Variants in VWA3B observed in about 807,000 individuals in gnomAD.
The protein encoded by VWA3B is von Willebrand factor A domain containing 3B.
VWA3B carries 138 observed loss-of-function variants against 158.3 expected under a neutral mutation model. That is an observed-to-expected ratio of 0.87 (90% CI 0.76 to 1.00). The LOEUF (loss-of-function observed/expected upper bound fraction) is 1.00, where lower values mean the gene tolerates loss of function less well. Ranked by LOEUF, VWA3B falls within the 50% of genes least tolerant of loss-of-function variation. The pLI, the probability that VWA3B is intolerant of heterozygous loss-of-function variation, is 0.00. For missense variants in VWA3B, 1,555 were observed against 1,565.1 expected, an observed-to-expected ratio of 0.99 and a Z score of 0.11; for synonymous variants, 596 against 587.3, an observed-to-expected ratio of 1.01 and a Z score of -0.21.
At chr2:98,127,592 G>GC (rs1675472525) in intron 5 of VWA3B, among the ~76,000 whole-genome samples, 1 of 81,572 alleles carries the variant, frequency 1.2e-5, no homozygotes, top group East Asian at 4.3e-4. Flanking sequence ...GTGTGTGTGG[G>GC]CGGGGGGGGG....
At chr2:98,297,142 C>T (rs966395673) in intron 23 of VWA3B, among the ~76,000 whole-genome samples, 5 of 151,290 alleles carry the variant, frequency 3.3e-5, no homozygotes, top group East Asian at 1.9e-4. Flanking sequence ...AGTGCAATGA[C>T]GCAATCTCAG....
chr2:98,239,839 G>A (rs995253373), intron 19 of VWA3B, among the ~76,000 whole-genome samples: 7 of 151,376 alleles, frequency 4.6e-5, no homozygotes, highest in African/African-American at 1.5e-4. Context: ...GCTTGAATTC[G>A]GGAGGCAGAG....
At chr2:98,250,565 G>T in intron 20 of VWA3B, 129 bp downstream of exon 20, 1 of 750,406 alleles carries the variant, frequency 1.3e-6, no homozygotes, top group Non-Finnish European at 2.1e-6. Flanking sequence ...GTTCAGGCTG[G>T]GTGTGGTAGT....
In VWA3B at chr2:98,290,590, C is replaced by T; in HGVS notation, c.3125C>T (p.Ala1042Val). The T allele has an allele frequency of 2.5e-6, 4 of 1,594,618 alleles. No homozygotes were observed. In the Admixed American group the frequency reaches 7.2e-5, roughly 29 times the overall value. The change falls in exon 23 of 28, where the codon GCA becomes GTA. Residue 1042 changes from alanine to valine, a missense_variant. Coordinates refer to ENST00000477737, the MANE Select transcript of VWA3B (RefSeq NM_144992.5). ...PDPLKGQKVIARCDENGFYFP... is the reference protein window; with the variant it reads ...PDPLKGQKVIVRCDENGFYFP... The stretch of plus-strand genomic sequence containing the variant: ...CCCCTCAAAGGACAGAAGGTTATTG[C>T]AAGATGTGATGAAAATGGCTTTTAT...
chr2:98,126,212 T>C (rs566541236), intron 5 of VWA3B, among the ~76,000 whole-genome samples: 1 of 152,360 alleles, frequency 6.6e-6, no homozygotes, highest in South Asian at 2.1e-4. Flanking sequence ...TTCAGTTTGA[T>C]GAAATCTCAA....
chr2:98,242,530 T>C (rs576089019), intron 19 of VWA3B, among the ~76,000 whole-genome samples: 1 of 151,926 alleles, frequency 6.6e-6, no homozygotes, highest in East Asian at 1.9e-4. Flanking sequence ...AGAGTCTACA[T>C]CATCACCCAT....
intron 24 of VWA3B, among the ~76,000 whole-genome samples, chr2:98,299,437 C>G (rs933771093): frequency 6.6e-6 from 1 of 152,222 alleles, no homozygotes; most frequent in Non-Finnish European, 1.5e-5. Flanking sequence ...GCAGAGCACC[C>G]TGCTGCTGTC....
intron 8 of VWA3B, among the ~76,000 whole-genome samples, chr2:98,178,160 C>T (rs142385398): frequency 4.5e-4 from 69 of 152,144 alleles, no homozygotes; most frequent in Non-Finnish European, 7.1e-4. Context: ...AGTGTGCAGG[C>T]GAACCCCAGG....
At chr2:98,295,911 C>T (rs182123446) in intron 23 of VWA3B, among the ~76,000 whole-genome samples, 2 of 152,300 alleles carry the variant, frequency 1.3e-5, no homozygotes, top group African/African-American at 2.4e-5. Flanking sequence ...ACATGGGGGC[C>T]CTCGAGGCCA....
chr2:98,222,808 C>G (rs1684620274), intron 14 of VWA3B, among the ~76,000 whole-genome samples: 1 of 152,158 alleles, frequency 6.6e-6, no homozygotes, highest in East Asian at 1.9e-4. Flanking sequence ...GAGCAAAGAC[C>G]CACAGAAGTA....
chr2:98,230,863 C>T (rs762244455), intron 16 of VWA3B, among the ~76,000 whole-genome samples: 7 of 152,096 alleles, frequency 4.6e-5, no homozygotes, highest in Non-Finnish European at 1.0e-4. Flanking sequence ...AAAACTGTCC[C>T]TATTTGCAGA....
chr2:98,210,128 G>T (rs777745479), intron 12 of VWA3B, among the ~76,000 whole-genome samples: 20 of 152,152 alleles, frequency 1.3e-4, no homozygotes, highest in Non-Finnish European at 2.5e-4. Context: ...GTTGTTTTAT[G>T]ATTAACATTA....
intron 8 of VWA3B, chr2:98,179,458 C>T (rs1680288423): frequency 2.4e-6 from 1 of 410,178 alleles, no homozygotes; most frequent in Non-Finnish European, 4.9e-6. Context: ...CTAGATAGGG[C>T]ACATGAGGTT....
chr2:98,136,823 G>A (rs1297867488), intron 7 of VWA3B, among the ~76,000 whole-genome samples: 1 of 152,030 alleles, frequency 6.6e-6, no homozygotes, highest in African/African-American at 2.4e-5. Flanking sequence ...CCTAGCAACC[G>A]CCATTCTACT....
At chr2:98,144,250 C>T (rs2105122449) in intron 7 of VWA3B, among the ~76,000 whole-genome samples, 1 of 152,192 alleles carries the variant, frequency 6.6e-6, no homozygotes, top group South Asian at 2.1e-4. Context: ...GTTAACCAAT[C>T]AATAAATTAT....
At chr2:98,157,104 C>T (rs1472925300) in intron 7 of VWA3B, among the ~76,000 whole-genome samples, 5 of 152,064 alleles carry the variant, frequency 3.3e-5, no homozygotes, top group Non-Finnish European at 7.4e-5. Context: ...TTATAGTGTG[C>T]CATTTAGAAG....
rs1285369694 is a variant in VWA3B, at chr2:98,265,621, T to C, written c.2844-5061T>C. On this transcript the variant is annotated intron_variant, in intron 21 of 27. Transcript: ENST00000477737. The stretch of plus-strand genomic sequence containing the variant: ...CTAGATCCCTGAGGAATCGCCACAC[T>C]GACTTCCACAATGGTTGAACTAGTT... Among the ~76,000 whole-genome samples, 522 of 148,648 alleles carry C rather than the reference T, an allele frequency of 3.5e-3. 3 individuals carry two copies. The highest frequency in any genetic ancestry group is 5.5e-3 in the Non-Finnish European group (368 of 66,318).
intron 20 of VWA3B, among the ~76,000 whole-genome samples, chr2:98,251,820 C>T (rs750548548): frequency 1.1e-4 from 17 of 152,160 alleles, no homozygotes; most frequent in East Asian, 3.8e-4. Flanking sequence ...CCCCCTTTAA[C>T]GTGAGCCTCC....
rs1313690712 is a variant in VWA3B at position 98,125,819 on chromosome 2, A to C, written c.703-2420A>C. ...GCTGGGACTACAGGCGCCTGCCACCACATCCGGCTAATTTTTCTGTATTTT... is the reference window on the plus strand; with the variant it reads ...GCTGGGACTACAGGCGCCTGCCACCCCATCCGGCTAATTTTTCTGTATTTT... On this transcript the variant is annotated intron_variant, in intron 5 of 27. Coordinates refer to ENST00000477737, the MANE Select transcript of VWA3B (RefSeq NM_144992.5). The surrounding 1 kb of genome is among the most constrained non-coding windows in gnomAD (Gnocchi z 4.1). Among the ~76,000 whole-genome samples, 1 of 151,960 alleles carries C rather than the reference A, an allele frequency of 6.6e-6. No homozygotes were observed. The highest frequency in any genetic ancestry group is 1.9e-4 in the East Asian group (1 of 5,176).
Sources: gnomAD v4.1 joint callset for allele counts (sites outside exome capture counted in the v4.1 genomes callset) on GRCh38, gnomAD v4.1.1 for gene constraint, Gnocchi (gnomAD v3.1) non-coding constraint, MANE v1.5 for transcripts, NCBI Gene and HGNC (gene_info 2026-07-23, HGNC 2026-07-21) for gene names.